DNAJC3: variants seen among roughly 807,000 people sequenced by gnomAD.
DNAJC3 encodes the protein dnaJ homolog subfamily C member 3.
A neutral mutation model predicts 68.6 loss-of-function variants in DNAJC3; 38 were observed. That is an observed-to-expected ratio of 0.55 (90% CI 0.43 to 0.73). DNAJC3 has a LOEUF of 0.73. DNAJC3 is among the 30% of genes least tolerant of loss of function. The probability of loss-of-function intolerance (pLI) is 0.00; values close to 1 mark genes in which losing one functional copy is unlikely to be tolerated. For synonymous variants in DNAJC3, 203 were observed against 204.0 expected (o/e 1.00, Z 0.04); for missense variants, 526 against 591.9 (o/e 0.89, Z 1.16).
chr13:95,786,805 C>T (rs952266706), intron 10 of DNAJC3, among the ~76,000 whole-genome samples: 2 of 152,104 alleles, frequency 1.3e-5, no homozygotes, highest in South Asian at 2.1e-4. Flanking sequence ...TCTTAGTGAG[C>T]GAGTATCCAA....
At chr13:95,751,113 T>C (rs1387810159) in intron 4 of DNAJC3, among the ~76,000 whole-genome samples, 1 of 152,164 alleles carries the variant, frequency 6.6e-6, no homozygotes, top group South Asian at 2.1e-4. Flanking sequence ...CACATACCTG[T>C]AGTCCTAGCT....
At chr13:95,775,152 AC>A (rs1883260515) in intron 9 of DNAJC3, among the ~76,000 whole-genome samples, 1 of 152,110 alleles carries the variant, frequency 6.6e-6, no homozygotes, top group South Asian at 2.1e-4. Flanking sequence ...GTAGTCTTAA[AC>A]CCCTGGCCTC....
rs1366913621 is a variant in DNAJC3, at chr13:95,793,903, T to G, written c.*2873T>G. 6.6e-6 allele frequency: 1 copy of G among 152,212 alleles called. No homozygotes were observed. Among genetic ancestry groups the G allele is most frequent in the Non-Finnish European group, 1.5e-5 (1 of 68,062 alleles). The allele number at this position is 152,212 out of a possible 1,614,324, so 9.4% of individuals were successfully genotyped here. A position where few individuals can be genotyped will look rare whatever the true frequency, so the allele number is the denominator to read the frequency against. ...CAGTGGTCTGTACTTTGTGGATATT[T>G]TGCCCAGCAGGAAGTATTAGACACA... On this transcript the variant is annotated 3_prime_UTR_variant, in exon 12 of 12. Coordinates refer to ENST00000602402, the MANE Select transcript of DNAJC3 (RefSeq NM_006260.5).
chr13:95,703,169 CAT>C (rs1350258601), intron 1 of DNAJC3, among the ~76,000 whole-genome samples: 1 of 152,194 alleles, frequency 6.6e-6, no homozygotes, highest in East Asian at 1.9e-4. Context: ...CAGATCAAGA[CAT>C]AACCTTGTTT....
intron 2 of DNAJC3, among the ~76,000 whole-genome samples, chr13:95,716,919 G>A (rs751874381): frequency 3.3e-5 from 5 of 152,272 alleles, no homozygotes; most frequent in East Asian, 1.9e-4. Flanking sequence ...ACTTAGGTCC[G>A]TGGGCACAGG....
intron 9 of DNAJC3, among the ~76,000 whole-genome samples, chr13:95,770,472 A>C (rs1331190897): frequency 1.3e-5 from 2 of 152,322 alleles, no homozygotes; most frequent in Middle Eastern, 3.4e-3. Context: ...TAGCACTTTT[A>C]TCTCTTTTCC....
intron 9 of DNAJC3, among the ~76,000 whole-genome samples, chr13:95,773,830 G>A: frequency 6.8e-6 from 1 of 147,528 alleles, no homozygotes; most frequent in Non-Finnish European, 1.5e-5. Flanking sequence ...TCTACCTCCT[G>A]GGTTCAAGTG....
intron 4 of DNAJC3, among the ~76,000 whole-genome samples, chr13:95,752,594 A>G (rs1409811069): frequency 1.3e-5 from 2 of 152,090 alleles, no homozygotes; most frequent in African/African-American, 4.8e-5. Flanking sequence ...ACAAAACTCC[A>G]CTCGCGATTA....
intron 9 of DNAJC3, among the ~76,000 whole-genome samples, chr13:95,764,347 TTCTCTCTC>T (rs3051424): frequency 1.2e-4 from 16 of 130,072 alleles, no homozygotes; most frequent in African/African-American, 3.5e-4. Flanking sequence ...CATATACATA[TTCTCTCTC>T]TCTCTCTCTC....
chr13:95,705,598 G>A (rs983137289), intron 1 of DNAJC3, among the ~76,000 whole-genome samples: 2 of 151,168 alleles, frequency 1.3e-5, no homozygotes, highest in African/African-American at 4.9e-5. Context: ...CACGATCATA[G>A]CTCACTGCAG....
In DNAJC3 at chr13:95,786,049, T is replaced by A. The variant is rs1464067803; in HGVS notation, c.1186T>A (p.Tyr396Asn). The A allele has an allele frequency of 2.5e-6, 4 of 1,606,656 alleles. No individual in the cohort carries two copies. The highest frequency in any genetic ancestry group is 1.7e-5 in the Admixed American group (1 of 58,410). The stretch of plus-strand genomic sequence containing the variant: ...GAAACAGTCGCAGAAACGAGATTAT[T>A]ATAAAATCTTGGGAGTAAAAAGGTG... ...LLKQSQKRDY[Y>N]KILGVKRNAK... Residue 396 changes from tyrosine (Y) to asparagine (N), a missense_variant, in exon 10 of 12, where the codon TAT (tyrosine) becomes AAT (asparagine). Tyr to Asn is a moderately radical substitution (Grantham distance 143). Transcript: ENST00000602402.
chr13:95,773,151 A>T (rs974766889), intron 9 of DNAJC3, among the ~76,000 whole-genome samples: 97 of 66,694 alleles, frequency 1.5e-3, no homozygotes, highest in South Asian at 1.8e-3. Context: ...TGACAAATTT[A>T]GTTTTTTTTT....
chr13:95,691,481 A>C (rs1036016136), intron 1 of DNAJC3, among the ~76,000 whole-genome samples: 5 of 150,638 alleles, frequency 3.3e-5, no homozygotes, highest in African/African-American at 1.2e-4. Context: ...GATGCTCCTC[A>C]CTTCCCAGAT....
rs1882773814 is a variant in DNAJC3 at position 95,760,061 on chromosome 13, C to T, written c.568C>T (p.Leu190=). 1.9e-6 allele frequency: 3 copies of T among 1,605,640 alleles called. No homozygotes were observed. Among genetic ancestry groups the T allele is most frequent in the Non-Finnish European group, 2.6e-6 (3 of 1,175,678 alleles). ...ILEVCVWDAE[L]RELRAECFIK... ...CAAGGTTTGTGTTTGGGATGCAGAA[C>T]TACGGGAACTTCGAGCTGAATGTTT... Residue 190 remains leucine (L), a synonymous_variant, in exon 6 of 12, where the codon CTA becomes TTA. Coordinates refer to ENST00000602402, the MANE Select transcript of DNAJC3 (RefSeq NM_006260.5).
intron 4 of DNAJC3, among the ~76,000 whole-genome samples, chr13:95,728,062 ATC>A (rs1469107997): frequency 1.3e-5 from 2 of 152,222 alleles, no homozygotes; most frequent in African/African-American, 2.4e-5. Flanking sequence ...CTGGAGATTT[ATC>A]TAGATTTTTA....
chr13:95,689,385 A>G (rs1444571741), intron 1 of DNAJC3, among the ~76,000 whole-genome samples: 2 of 151,848 alleles, frequency 1.3e-5, no homozygotes, highest in Non-Finnish European at 2.9e-5. Flanking sequence ...TCTAGTTTGC[A>G]TAAAGATGTT....
intron 1 of DNAJC3, among the ~76,000 whole-genome samples, chr13:95,684,677 A>T (rs868833799): frequency 1.3e-5 from 2 of 152,222 alleles, no homozygotes; most frequent in African/African-American, 4.8e-5. Context: ...TCCTTCTATC[A>T]TAGGCCCAGA....
chr13:95,750,365 T>TA (rs1882438246), intron 4 of DNAJC3, among the ~76,000 whole-genome samples: 1 of 151,978 alleles, frequency 6.6e-6, no homozygotes, highest in Non-Finnish European at 1.5e-5. Context: ...AGGTTTAGCT[T>TA]AGAGTAGTGC....
chr13:95,694,883 G>C (rs900646409), intron 1 of DNAJC3: 1 of 152,510 alleles, frequency 6.6e-6, no homozygotes, highest in African/African-American at 2.4e-5. Flanking sequence ...TATATTATGG[G>C]TCACTTATGT....
Sources: gnomAD v4.1 joint callset for allele counts (sites outside exome capture counted in the v4.1 genomes callset) on GRCh38, gnomAD v4.1.1 for gene constraint, MANE v1.5 for transcripts, NCBI Gene and HGNC (gene_info 2026-07-23, HGNC 2026-07-21) for gene names.